NCOA3: variants seen among roughly 807,000 people sequenced by gnomAD.
The protein encoded by NCOA3 is nuclear receptor coactivator 3.
NCOA3 carries 51 observed loss-of-function variants against 158.8 expected under a neutral mutation model. The ratio of observed to expected loss-of-function variants is 0.32; its 90% CI spans 0.26 to 0.41. NCOA3 has a LOEUF of 0.41. Among genes scored for constraint, NCOA3 ranks in the 10% least tolerant of loss-of-function variants. NCOA3 has a pLI of 1.00. For synonymous variants in NCOA3, 537 were observed against 592.4 expected (o/e 0.91, Z 1.36); for missense variants, 1,510 against 1,746.6 (o/e 0.86, Z 2.41).
chr20:47,540,037 T>C (rs551225436), intron 1 of NCOA3, among the ~76,000 whole-genome samples: 1 of 152,154 alleles, frequency 6.6e-6, no homozygotes, highest in Non-Finnish European at 1.5e-5. Context: ...GAGGAGGAAA[T>C]TGAAGCTCAT....
chr20:47,606,810 T>C (rs757629958), intron 2 of NCOA3, among the ~76,000 whole-genome samples: 5 of 152,188 alleles, frequency 3.3e-5, no homozygotes, highest in Admixed American at 6.5e-5. Flanking sequence ...TTGAGTGAGG[T>C]GAACCTGTCA....
intron 2 of NCOA3, among the ~76,000 whole-genome samples, chr20:47,588,922 C>G (rs1336332644): frequency 6.6e-6 from 1 of 152,002 alleles, no homozygotes; most frequent in African/African-American, 2.4e-5. Flanking sequence ...GAATTTGGCT[C>G]TTGTCTCTCA....
intron 2 of NCOA3, among the ~76,000 whole-genome samples, chr20:47,609,987 G>A (rs1378619979): frequency 6.6e-6 from 1 of 152,120 alleles, no homozygotes; most frequent in Non-Finnish European, 1.5e-5. Flanking sequence ...GGAATGGAGA[G>A]GGTCAAGGGT....
chr20:47,634,881 C>G (rs1230466660), intron 10 of NCOA3, among the ~76,000 whole-genome samples: 1 of 150,972 alleles, frequency 6.6e-6, no homozygotes, highest in African/African-American at 2.4e-5. Flanking sequence ...ATTCCCTCTC[C>G]TTCTCTCTCC....
chr20:47,652,324 A>T, intron 20 of NCOA3, 82 bp from the exon 21 acceptor site: 1 of 1,364,208 alleles, frequency 7.3e-7, no homozygotes, highest in Non-Finnish European at 1.0e-6. Context: ...CTTTAAAAAA[A>T]AAACAAAATT....
At chr20:47,521,049 G>A (rs926503400) in intron 1 of NCOA3, among the ~76,000 whole-genome samples, 1 of 152,184 alleles carries the variant, frequency 6.6e-6, no homozygotes, top group Non-Finnish European at 1.5e-5. Flanking sequence ...GTACTCTACC[G>A]GCTCCCACGG....
At chr20:47,556,278 G>C (rs2085005920) in intron 1 of NCOA3, among the ~76,000 whole-genome samples, 2 of 152,274 alleles carry the variant, frequency 1.3e-5, no homozygotes, top group South Asian at 4.1e-4. Flanking sequence ...TAACCAGGTT[G>C]TTTTGGAACA....
intron 1 of NCOA3, among the ~76,000 whole-genome samples, chr20:47,516,686 C>T (rs555112490): frequency 2.6e-5 from 4 of 151,958 alleles, no homozygotes; most frequent in South Asian, 2.1e-4. Context: ...TTTGGGAGGC[C>T]GAGGCAGGCA....
intron 2 of NCOA3, among the ~76,000 whole-genome samples, chr20:47,594,854 C>T (rs567028273): frequency 1.9e-4 from 28 of 147,726 alleles, no homozygotes; most frequent in African/African-American, 5.3e-4. Flanking sequence ...CGCAGTACCG[C>T]GATCTCAGCT....
intron 1 of NCOA3, among the ~76,000 whole-genome samples, chr20:47,551,634 T>TTAA (rs1377291039): frequency 6.6e-6 from 1 of 152,236 alleles, no homozygotes; most frequent in Non-Finnish European, 1.5e-5. Context: ...AGATGAATGT[T>TTAA]TCTTTTTGAC....
chr20:47,616,878 C>G (rs951134337), intron 2 of NCOA3, among the ~76,000 whole-genome samples: 1 of 152,162 alleles, frequency 6.6e-6, no homozygotes, highest in African/African-American at 2.4e-5. Context: ...GTCCTAATTT[C>G]TTTTCTATTC....
At position 47,524,425 on chromosome 20, in the gene NCOA3, C is replaced by G. The variant is rs560362542; in HGVS notation, c.-99+22406C>G. Among the ~76,000 whole-genome samples, 9 of 152,280 alleles carry G rather than the reference C, an allele frequency of 5.9e-5. 1 individual carries two copies. The East Asian group carries it at 1.7e-3, about 29-fold the overall frequency. On this transcript the variant is annotated intron_variant, in intron 1 of 22. Transcript: ENST00000371998. ...AAAGGACAGATTTAAAGTTGAAATCCATTCCATACCCACCACTCTGATGGT... is the reference window on the plus strand; with the variant it reads ...AAAGGACAGATTTAAAGTTGAAATCGATTCCATACCCACCACTCTGATGGT...
At chr20:47,619,677 A>G (rs1037301347) in intron 2 of NCOA3, among the ~76,000 whole-genome samples, 4 of 152,028 alleles carry the variant, frequency 2.6e-5, no homozygotes, top group Admixed American at 1.3e-4. Flanking sequence ...TTATTACTCA[A>G]TGGATAGTTT....
At chr20:47,629,325 A>G (rs1004345715) in intron 8 of NCOA3, among the ~76,000 whole-genome samples, 4 of 151,172 alleles carry the variant, frequency 2.6e-5, no homozygotes, top group African/African-American at 9.7e-5. Flanking sequence ...ACGCTGATGG[A>G]TGTTACTTTT....
intron 1 of NCOA3, among the ~76,000 whole-genome samples, chr20:47,519,339 G>A (rs140011805): frequency 8.1e-4 from 123 of 151,800 alleles, no homozygotes; most frequent in African/African-American, 2.3e-3. Context: ...GGCTGAGGCC[G>A]GAGAATTGCT....
intron 1 of NCOA3, among the ~76,000 whole-genome samples, chr20:47,567,292 C>T (rs1160956853): frequency 3.9e-5 from 6 of 152,108 alleles, no homozygotes; most frequent in East Asian, 1.9e-4. Flanking sequence ...GTGATCCCCC[C>T]GCCTCGGCCT....
chr20:47,581,431 C>T (rs2085451087), intron 1 of NCOA3, among the ~76,000 whole-genome samples: 2 of 152,176 alleles, frequency 1.3e-5, no homozygotes, highest in African/African-American at 2.4e-5. Flanking sequence ...GTTTCAGAAA[C>T]ACAACAGACC....
chr20:47,617,145 A>G (rs547651035), intron 2 of NCOA3, among the ~76,000 whole-genome samples: 100 of 151,916 alleles, frequency 6.6e-4, no homozygotes, highest in Middle Eastern at 3.4e-3. Context: ...TAGTAGAGAT[A>G]GGGTTTCACC....
intron 20 of NCOA3, among the ~76,000 whole-genome samples, 170 bp downstream of exon 20, chr20:47,651,446 AG>A (rs1437333286): frequency 6.6e-6 from 1 of 152,210 alleles, no homozygotes; most frequent in Non-Finnish European, 1.5e-5. Flanking sequence ...TGCAGCACAC[AG>A]GTAATTGAGA....
Sources: allele counts gnomAD v4.1 joint callset (sites outside exome capture counted in the v4.1 genomes callset), GRCh38; gene constraint gnomAD v4.1.1; transcripts MANE v1.5; gene names NCBI Gene and HGNC (gene_info 2026-07-23, HGNC 2026-07-21).